TMEM167A: variants seen among roughly 807,000 people sequenced by gnomAD.
The protein encoded by TMEM167A is protein kish-A.
TMEM167A carries 8 observed loss-of-function variants against 11.6 expected under a neutral mutation model. The ratio of observed to expected loss-of-function variants is 0.69; its 90% confidence interval spans 0.40 to 1.24. The LOEUF is 1.24. Among genes scored for constraint, TMEM167A ranks in the 50% most tolerant of loss-of-function variants. TMEM167A has a pLI of 0.01. For missense variants in TMEM167A, 62 were observed against 87.0 expected (o/e 0.71, Z 1.14); for synonymous variants, 22 against 28.0 (o/e 0.79, Z 0.67).
chr5:83,061,731 G>C (rs553420363), intron 3 of TMEM167A, 146 bp downstream of exon 3: 1 of 760,522 alleles, frequency 1.3e-6, no homozygotes, highest in African/African-American at 1.8e-5. Context: ...AAAAGAGCTT[G>C]GTACAACTTA....
chr5:83,074,924 C>T (rs1236113516), intron 1 of TMEM167A, among the ~76,000 whole-genome samples: 3 of 152,196 alleles, frequency 2.0e-5, no homozygotes, highest in Non-Finnish European at 4.4e-5. Flanking sequence ...GCATGTGCCA[C>T]CACGCCCGGC....
intron 2 of TMEM167A, 68 bp from the exon 3 acceptor site, chr5:83,061,979 A>G: frequency 4.0e-6 from 5 of 1,260,050 alleles, no homozygotes; most frequent in Non-Finnish European, 5.8e-6. Flanking sequence ...TTCTCTTGAT[A>G]TCATATAGGG....
intron 2 of TMEM167A, among the ~76,000 whole-genome samples, chr5:83,064,560 A>G (rs891551451): frequency 6.6e-6 from 1 of 152,134 alleles, no homozygotes; most frequent in Non-Finnish European, 1.5e-5. Flanking sequence ...GAAAGATACA[A>G]TGAAACTGTC....
Position 83,065,091 on chromosome 5 carries a change from T to C in TMEM167A, c.30A>G (p.Leu10=), listed in dbSNP as rs200167479. 15 of 1,585,176 alleles carry C rather than the reference T, an allele frequency of 9.5e-6. No homozygotes were observed. The highest frequency in any genetic ancestry group is 3.6e-5 in the Admixed American group (2 of 55,392). MSAIFNFQS[L]LTVILLLICT... ...ATATAAGCAGCAAGATTACAGTCAATAGACTCTGAAAATTGAAAATGGCAG... is the reference window on the plus strand; with the variant it reads ...ATATAAGCAGCAAGATTACAGTCAACAGACTCTGAAAATTGAAAATGGCAG... Residue 10 remains leucine (L), a synonymous_variant, in exon 2 of 4, where the codon CTA becomes CTG. Coordinates refer to ENST00000502346, the MANE Select transcript of TMEM167A (RefSeq NM_174909.5).
chr5:83,075,232 T>C (rs1052092202), intron 1 of TMEM167A, among the ~76,000 whole-genome samples: 1 of 152,136 alleles, frequency 6.6e-6, no homozygotes, highest in Admixed American at 6.5e-5. Flanking sequence ...AATATCCCTA[T>C]AGATACCTAA....
Position 83,062,046 on chromosome 5 carries a change from CCTT to C in TMEM167A, c.114-138_114-136del. ...ACACTTTGCTTCAAATTTGAAATCT[CCTT>C]ATTTGATGTTGAGCCACCATTCATG... On this transcript the variant is annotated intron_variant, in intron 2 of 3. Coordinates refer to ENST00000502346, the MANE Select transcript of TMEM167A (RefSeq NM_174909.5). 28 of 686,116 alleles carry C rather than the reference CCTT, an allele frequency of 4.1e-5. No individual in the cohort carries two copies. In the South Asian group the frequency reaches 5.6e-4, roughly 14 times the overall value. The allele number at this position is 686,116 out of a possible 1,614,324, so 42.5% of individuals were successfully genotyped here.
chr5:83,060,586 C>T (rs111689820), intron 3 of TMEM167A, among the ~76,000 whole-genome samples: 1 of 151,448 alleles, frequency 6.6e-6, no homozygotes, highest in Admixed American at 6.6e-5. Flanking sequence ...AATCCCAGCA[C>T]TTTGGGAGGC....
chr5:83,069,230 C>G (rs6883129), intron 1 of TMEM167A, among the ~76,000 whole-genome samples: 1 of 152,042 alleles, frequency 6.6e-6, no homozygotes, highest in African/African-American at 2.4e-5. Context: ...TTCTAACTTA[C>G]GGACATTAGC....
intron 1 of TMEM167A, among the ~76,000 whole-genome samples, chr5:83,066,259 A>T (rs548759204): frequency 6.6e-6 from 1 of 152,358 alleles, no homozygotes; most frequent in East Asian, 1.9e-4. Context: ...ATGCTTGTTT[A>T]GTAAACTTAG....
chr5:83,056,860 G>C lies in TMEM167A; in HGVS notation c.*224C>G, dbSNP rs1306738621. 11 of 561,420 alleles carry C rather than the reference G, an allele frequency of 2.0e-5. No individual in the cohort carries two copies. In the East Asian group the frequency reaches 3.4e-4, roughly 17 times the overall value. 34.8% of individuals were successfully genotyped at this position (561,420 alleles called of 1,614,324 possible). On this transcript the variant is annotated 3_prime_UTR_variant, in exon 4 of 4. Coordinates refer to ENST00000502346, the MANE Select transcript of TMEM167A (RefSeq NM_174909.5). ...AACATTTGCAGAATGTAATATTGTA[G>C]TGACAGTACTGAGGTTGATTGTTAC...
Position 83,054,375 on chromosome 5 carries a change from A to C in TMEM167A, c.*2709T>G, listed in dbSNP as rs1443205630. Reference sequence around the variant, plus strand: ...CCTTCCTATTAGCACAGCTGAAGCCAATCCAGAACTAAACATCAGCACACA... The same window carrying C: ...CCTTCCTATTAGCACAGCTGAAGCCCATCCAGAACTAAACATCAGCACACA... On this transcript the variant is annotated 3_prime_UTR_variant, in exon 4 of 4. Coordinates refer to ENST00000502346, the MANE Select transcript of TMEM167A (RefSeq NM_174909.5). 6.6e-6 allele frequency: 1 copy of C among 151,964 alleles called. No homozygotes were observed. The highest frequency in any genetic ancestry group is 1.5e-5 in the Non-Finnish European group (1 of 67,938). 9.4% of individuals were successfully genotyped at this position (151,964 alleles called of 1,614,324 possible).
At chr5:83,058,318 A>G (rs990629935) in intron 3 of TMEM167A, among the ~76,000 whole-genome samples, 5 of 152,106 alleles carry the variant, frequency 3.3e-5, no homozygotes, top group African/African-American at 1.2e-4. Context: ...AATATTATAC[A>G]CATACAAAAA....
chr5:83,072,903 G>C (rs558078845), intron 1 of TMEM167A, among the ~76,000 whole-genome samples: 14 of 152,116 alleles, frequency 9.2e-5, no homozygotes, highest in Non-Finnish European at 1.9e-4. Flanking sequence ...GGGTTCATAA[G>C]ATCAGAACTA....
At chr5:83,074,639 A>G (rs1480586845) in intron 1 of TMEM167A, among the ~76,000 whole-genome samples, 4 of 152,192 alleles carry the variant, frequency 2.6e-5, no homozygotes, top group African/African-American at 7.2e-5. Context: ...CTCAGTCTAA[A>G]CCCATGCTCT....
intron 1 of TMEM167A, among the ~76,000 whole-genome samples, chr5:83,073,576 C>G (rs535299494): frequency 1.3e-5 from 2 of 152,306 alleles, no homozygotes; most frequent in South Asian, 4.1e-4. Context: ...GTGCCGGGAG[C>G]CATCCCAGTA....
chr5:83,070,180 T>C (rs1744539863), intron 1 of TMEM167A, among the ~76,000 whole-genome samples: 1 of 152,076 alleles, frequency 6.6e-6, no homozygotes, highest in Admixed American at 6.5e-5. Flanking sequence ...CTGGAAAGTG[T>C]GTGTTCTTCT....
intron 2 of TMEM167A, among the ~76,000 whole-genome samples, chr5:83,062,138 A>G (rs1251893255): frequency 6.6e-6 from 1 of 152,224 alleles, no homozygotes; most frequent in Non-Finnish European, 1.5e-5. Context: ...GAAATGGAAT[A>G]TAAATAGTGT....
rs905771976 is a variant in TMEM167A, at chr5:83,077,378, G to T, written c.-55C>A. On this transcript the variant is annotated 5_prime_UTR_variant, in exon 1 of 4. Transcript: ENST00000502346. ...ACCCTTCCGGGGCTCAGGCGGAAGA[G>T]GCTGCATGTCCCGTCTGCCCTTCTC... is the stretch of plus-strand genomic sequence containing the variant. 1 of 1,613,850 alleles carries T rather than the reference G, an allele frequency of 6.2e-7. No homozygotes were observed. The highest frequency in any genetic ancestry group is 1.3e-5 in the African/African-American group (1 of 74,948).
At chr5:83,072,141 C>A (rs953583138) in intron 1 of TMEM167A, among the ~76,000 whole-genome samples, 1 of 152,082 alleles carries the variant, frequency 6.6e-6, no homozygotes, top group Non-Finnish European at 1.5e-5. Flanking sequence ...ATCATGGTAC[C>A]TACAATTAAT....
Sources: allele counts gnomAD v4.1 joint callset (sites outside exome capture counted in the v4.1 genomes callset), GRCh38; gene constraint gnomAD v4.1.1; transcripts MANE v1.5; gene names NCBI Gene and HGNC (gene_info 2026-07-23, HGNC 2026-07-21).